Variants in UPP2 observed in about 807,000 individuals in gnomAD.
UPP2 encodes UPase 2.
In UPP2, 23 loss-of-function variants were observed where a neutral mutation model predicts 26.7. That is an observed-to-expected ratio of 0.86 (90% CI 0.62 to 1.22). UPP2 has a LOEUF of 1.22. Ranked by LOEUF, UPP2 falls within the 50% of genes most tolerant of loss-of-function variation. UPP2 has a pLI of 0.00. For synonymous variants in UPP2, 127 were observed against 141.3 expected (o/e 0.90, Z 0.72); for missense variants, 387 against 396.7 (o/e 0.98, Z 0.21).
chr2:158,049,973 C>T (rs1022104697), intron 3 of UPP2, among the ~76,000 whole-genome samples: 34 of 152,056 alleles, frequency 2.2e-4, no homozygotes, highest in African/African-American at 8.0e-4. Context: ...ATAAAAATCC[C>T]CTTGAATTTA....
chr2:158,087,073 C>T (rs1255284325), intron 3 of UPP2, among the ~76,000 whole-genome samples: 1 of 152,048 alleles, frequency 6.6e-6, no homozygotes, highest in African/African-American at 2.4e-5. Flanking sequence ...GTGTCTATTG[C>T]TGTTAGTGGA....
chr2:158,098,211 A>G (rs1377026081), upstream of UPP2, among the ~76,000 whole-genome samples: 1 of 152,006 alleles, frequency 6.6e-6, no homozygotes, highest in African/African-American at 2.4e-5. Context: ...AGGGCAGGAG[A>G]AATGGTGCAA....
upstream of UPP2, among the ~76,000 whole-genome samples, chr2:158,100,489 G>A (rs1370637887): frequency 6.6e-6 from 1 of 152,182 alleles, no homozygotes; most frequent in Non-Finnish European, 1.5e-5. Context: ...AAATAAAATT[G>A]AGAGATATGG....
chr2:158,018,542 C>T (rs1446632285), intron 3 of UPP2, among the ~76,000 whole-genome samples: 1 of 152,176 alleles, frequency 6.6e-6, no homozygotes, highest in Non-Finnish European at 1.5e-5. Context: ...TGCAGAAGAG[C>T]AGGCTGCAAG....
chr2:158,099,738 G>T (rs1455612755), upstream of UPP2, among the ~76,000 whole-genome samples: 3 of 152,140 alleles, frequency 2.0e-5, no homozygotes, highest in East Asian at 5.8e-4. Context: ...GAGGTTCAGG[G>T]ACAAAATTAA....
intron 2 of UPP2, among the ~76,000 whole-genome samples, chr2:158,010,924 C>T (rs1002963799): frequency 2.6e-5 from 4 of 151,992 alleles, no homozygotes; most frequent in African/African-American, 7.2e-5. Context: ...CGCCTCCATG[C>T]CCAGCTGATT....
At chr2:158,120,290 C>G (rs1203447373) in intron 4 of UPP2, among the ~76,000 whole-genome samples, 2 of 152,004 alleles carry the variant, frequency 1.3e-5, no homozygotes, top group Non-Finnish European at 2.9e-5. Context: ...GCCTCTAGAG[C>G]TTGAAAGCAG....
At chr2:158,130,466 A>AC (rs1337543482) in intron 6 of UPP2, among the ~76,000 whole-genome samples, 92 of 24,304 alleles carry the variant, frequency 3.8e-3, no homozygotes, top group African/African-American at 0.012. Flanking sequence ...AAAAAACAAA[A>AC]AAAAAAAACC....
At chr2:158,093,267 A>AACAC (rs1682936915) in intron 3 of UPP2, among the ~76,000 whole-genome samples, 1 of 114,894 alleles carries the variant, frequency 8.7e-6, no homozygotes, top group Non-Finnish European at 1.7e-5. Context: ...GGTAAAAAGA[A>AACAC]ACATACACAC....
intron 3 of UPP2, among the ~76,000 whole-genome samples, chr2:158,084,398 G>T (rs778434341): frequency 2.0e-5 from 3 of 151,838 alleles, no homozygotes; most frequent in Non-Finnish European, 4.4e-5. Flanking sequence ...CAGGAAATTA[G>T]TCCTTTGTTG....
rs1683920429 is a variant in UPP2, at chr2:158,135,775, G to C, written c.*885G>C. On this transcript the variant is annotated 3_prime_UTR_variant, in exon 7 of 7. Coordinates refer to ENST00000005756, the MANE Select transcript of UPP2 (RefSeq NM_173355.4). ...CCCGTTTGATTCTCTGGGAGGCATG[G>C]TGCTCCTCCTGGCTGCACATGCTCT... 6.6e-6 allele frequency: 1 copy of C among 152,184 alleles called. No homozygotes were observed. The highest frequency in any genetic ancestry group is 1.5e-5 in the Non-Finnish European group (1 of 68,046). The allele number at this position is 152,184 out of a possible 1,614,324, so 9.4% of individuals were successfully genotyped here.
intron 2 of UPP2, among the ~76,000 whole-genome samples, chr2:158,111,283 T>C (rs1387009057): frequency 6.6e-6 from 1 of 152,160 alleles, no homozygotes; most frequent in Non-Finnish European, 1.5e-5. Context: ...CTGTTTTTAG[T>C]TTTTATACAC....
chr2:158,111,393 A>G (rs1683316469), intron 2 of UPP2, among the ~76,000 whole-genome samples: 1 of 152,100 alleles, frequency 6.6e-6, no homozygotes, highest in South Asian at 2.1e-4. Flanking sequence ...TTTGATATTA[A>G]TATAGTCATT....
chr2:158,035,980 A>G (rs976964010), intron 3 of UPP2, among the ~76,000 whole-genome samples: 1 of 152,166 alleles, frequency 6.6e-6, no homozygotes, highest in Admixed American at 6.5e-5. Context: ...GTTGGCCAAA[A>G]TTTACCAAGC....
At chr2:158,037,323 C>T (rs984604933) in intron 3 of UPP2, among the ~76,000 whole-genome samples, 3 of 151,722 alleles carry the variant, frequency 2.0e-5, no homozygotes, top group African/African-American at 7.3e-5. Flanking sequence ...TGCAGTGAGC[C>T]GAGATTGTGC....
intron 3 of UPP2, among the ~76,000 whole-genome samples, chr2:158,047,634 G>T (rs1438665216): frequency 6.6e-6 from 1 of 152,170 alleles, no homozygotes; most frequent in Non-Finnish European, 1.5e-5. Flanking sequence ...TCAAAAAAAT[G>T]CACTTCATTA....
chr2:158,051,304 A>T (rs1216524750), intron 3 of UPP2, among the ~76,000 whole-genome samples: 1 of 152,010 alleles, frequency 6.6e-6, no homozygotes, highest in Non-Finnish European at 1.5e-5. Flanking sequence ...ATACTTCATA[A>T]TTAAATTAAC....
chr2:157,999,188 A>G (rs529707203), intron 2 of UPP2, among the ~76,000 whole-genome samples: 2 of 151,464 alleles, frequency 1.3e-5, no homozygotes, highest in African/African-American at 4.9e-5. Context: ...TGTTGTTGTT[A>G]TTGTTGTTGA....
At chr2:158,133,064 C>T (rs1175736721) in intron 6 of UPP2, among the ~76,000 whole-genome samples, 1 of 152,192 alleles carries the variant, frequency 6.6e-6, no homozygotes, top group Non-Finnish European at 1.5e-5. Flanking sequence ...CAGACATCTG[C>T]TCTCCCAAGT....
Sources: gnomAD v4.1 joint callset for allele counts (sites outside exome capture counted in the v4.1 genomes callset) on GRCh38, gnomAD v4.1.1 for gene constraint, MANE v1.5 for transcripts, NCBI Gene and HGNC (gene_info 2026-07-23, HGNC 2026-07-21) for gene names.